Variants in HLA-DRA observed in about 807,000 individuals in gnomAD.
HLA-DRA encodes the protein HLA class II histocompatibility antigen, DR alpha chain.
A neutral mutation model predicts 22.1 loss-of-function variants in HLA-DRA; 8 were observed. That is an observed-to-expected ratio of 0.36 (90% CI 0.21 to 0.65). The LOEUF (loss-of-function observed/expected upper bound fraction) is 0.65, where lower values mean the gene tolerates loss of function less well. Ranked by LOEUF, HLA-DRA falls within the 30% of genes least tolerant of loss-of-function variation. The pLI is 0.63. For synonymous variants in HLA-DRA, 101 were observed against 117.1 expected (o/e 0.86, Z 0.89); for missense variants, 248 against 321.3 (o/e 0.77, Z 1.74).
rs983382248 is a variant in HLA-DRA at position 32,442,679 on chromosome 6, C to T, written c.314C>T (p.Thr105Ile). 1 of 1,613,066 alleles carries T rather than the reference C, an allele frequency of 6.2e-7. No individual in the cohort carries two copies. Among genetic ancestry groups the T allele is most frequent in the Non-Finnish European group, 8.5e-7 (1 of 1,180,020 alleles). ...ATCATGACAAAGCGCTCCAACTATA[C>T]TCCGATCACCAATGGTACCTCCCTC... ...LEIMTKRSNY[T>I]PITNVPPEVT... Residue 105 changes from threonine to isoleucine, a missense_variant, in exon 2 of 5, where the codon ACT becomes ATT. Transcript: ENST00000395388.
chr6:32,443,467 G>C lies in HLA-DRA; in HGVS notation c.610+1G>C, dbSNP rs1762743798. 1 of 1,611,438 alleles carries C rather than the reference G, an allele frequency of 6.2e-7. No individual in the cohort carries two copies. The highest frequency in any genetic ancestry group is 1.7e-5 in the Admixed American group (1 of 59,994). Reference sequence around the variant, plus strand: ...GATGAGCCTCTTCTCAAGCACTGGGGTATGGACCAACACTCAATCTCCTTT... The same window carrying C: ...GATGAGCCTCTTCTCAAGCACTGGGCTATGGACCAACACTCAATCTCCTTT... On this transcript the variant is annotated splice_donor_variant, in intron 3 of 4. Coordinates refer to ENST00000395388, the MANE Select transcript of HLA-DRA (RefSeq NM_019111.5). LOFTEE classifies it high-confidence loss of function.
chr6:32,443,690 C>T, intron 3 of HLA-DRA, 66 bp from the exon 4 acceptor site: 3 of 1,407,136 alleles, frequency 2.1e-6, no homozygotes, highest in Non-Finnish European at 2.9e-6. Flanking sequence ...AAGAACCCTA[C>T]ATTTGATTCT....
intron 3 of HLA-DRA, 79 bp from the exon 4 acceptor site, chr6:32,443,673 CTTTA>C: frequency 7.4e-7 from 1 of 1,349,896 alleles, no homozygotes; most frequent in Non-Finnish European, 1.0e-6. Flanking sequence ...TAACTTTTCT[CTTTA>C]TTAAGAACCC....
In HLA-DRA at chr6:32,443,209, C is replaced by G; in HGVS notation, c.353C>G (p.Thr118Arg). ...GTACCTCCAGAGGTAACTGTGCTCA[C>G]AAACAGCCCTGTGGAACTGAGAGAG... Reference protein sequence around the residue: ...TNVPPEVTVLTNSPVELREPN... With the variant: ...TNVPPEVTVLRNSPVELREPN... The change falls in exon 3 of 5, where the codon ACA (threonine) becomes AGA (arginine). Residue 118 changes from threonine to arginine, a missense_variant. Physicochemically the swap from Thr to Arg is moderately conservative, Grantham distance 71. Coordinates refer to ENST00000395388, the MANE Select transcript of HLA-DRA (RefSeq NM_019111.5). 2 of 1,612,568 alleles carry G rather than the reference C, an allele frequency of 1.2e-6. No individual in the cohort carries two copies. Among genetic ancestry groups the G allele is most frequent in the Non-Finnish European group, 8.5e-7 (1 of 1,179,616 alleles).
Position 32,443,894 on chromosome 6 carries a change from G to T in HLA-DRA, c.749G>T (p.Arg250Leu). The change falls in exon 4 of 5, where the codon CGC (arginine) becomes CTC (leucine). Residue 250 changes from arginine (R) to leucine (L), a missense_variant. Arg to Leu is a moderately radical substitution (Grantham distance 102). Transcript: ENST00000395388. ...KGLRKSNAAE[R>L]RGPL ...TTGCGCAAAAGCAATGCAGCAGAAC[G>T]CAGGGGGCCTCTGTAAGGCACATGG... 6.2e-7 allele frequency: 1 copy of T among 1,602,204 alleles called. No homozygotes were observed. The highest frequency in any genetic ancestry group is 1.7e-4 in the Middle Eastern group (1 of 6,024).
chr6:32,440,843 G>A (rs1477346807), intron 1 of HLA-DRA, among the ~76,000 whole-genome samples: 1 of 152,162 alleles, frequency 6.6e-6, no homozygotes, highest in Non-Finnish European at 1.5e-5. Context: ...AAGGTGTCAG[G>A]TAGACTTGAA....
At chr6:32,440,883 CCCA>C (rs2150371130) in intron 1 of HLA-DRA, among the ~76,000 whole-genome samples, 1 of 152,274 alleles carries the variant, frequency 6.6e-6, no homozygotes, top group South Asian at 2.1e-4. Flanking sequence ...AGCTCCCATA[CCCA>C]TAGTGGCAAT....
chr6:32,442,760 T>G, intron 2 of HLA-DRA, 67 bp downstream of exon 2: 1 of 1,575,206 alleles, frequency 6.3e-7, no homozygotes, highest in Non-Finnish European at 8.7e-7. Flanking sequence ...GCTTCAGCTC[T>G]TTGTGTTAGA....
intron 4 of HLA-DRA, 90 bp downstream of exon 4, chr6:32,444,011 G>T: frequency 1.1e-6 from 1 of 950,234 alleles, no homozygotes; most frequent in South Asian, 2.6e-5. Flanking sequence ...GCATTTAAGA[G>T]ACAAGGTAGG....
intron 1 of HLA-DRA, among the ~76,000 whole-genome samples, chr6:32,442,245 T>C (rs978398115): frequency 7.9e-5 from 12 of 152,180 alleles, no homozygotes; most frequent in Admixed American, 2.0e-4. Flanking sequence ...CCAGTCCTTC[T>C]TGTTTTTCCC....
intron 1 of HLA-DRA, 64 bp from the exon 2 acceptor site, chr6:32,442,384 G>A (rs529895736): frequency 3.2e-5 from 49 of 1,554,648 alleles, no homozygotes; most frequent in East Asian, 3.2e-4. Flanking sequence ...ATGTATGTAG[G>A]TTATTCATTT....
In HLA-DRA at chr6:32,443,423, G is replaced by C; in HGVS notation, c.567G>C (p.Arg189Ser). The stretch of plus-strand genomic sequence containing the variant: ...CAACTGAGGACGTTTACGACTGCAG[G>C]GTGGAGCACTGGGGCTTGGATGAGC... ...LPSTEDVYDCRVEHWGLDEPL... is the reference protein window; with the variant it reads ...LPSTEDVYDCSVEHWGLDEPL... Residue 189 changes from arginine (R) to serine (S), a missense_variant, in exon 3 of 5, where the codon AGG becomes AGC. By Grantham distance (110) the Arg-to-Ser change is moderately radical. Transcript: ENST00000395388. 1 of 1,613,006 alleles carries C rather than the reference G, an allele frequency of 6.2e-7. No individual in the cohort carries two copies. Among genetic ancestry groups the C allele is most frequent in the Non-Finnish European group, 8.5e-7 (1 of 1,179,978 alleles).
At chr6:32,442,348 A>T in intron 1 of HLA-DRA, 100 bp from the exon 2 acceptor site, 2 of 1,408,016 alleles carry the variant, frequency 1.4e-6, no homozygotes, top group Non-Finnish European at 2.0e-6. Flanking sequence ...TCTTGGCCCA[A>T]TCTCTCTCCA....
intron 1 of HLA-DRA, among the ~76,000 whole-genome samples, 189 bp from the exon 2 acceptor site, chr6:32,442,259 C>T (rs1224442645): frequency 6.6e-6 from 1 of 152,144 alleles, no homozygotes; most frequent in Non-Finnish European, 1.5e-5. Flanking sequence ...TTTTCCCCTC[C>T]CAGCTTTGTT....
chr6:32,443,952 T>G, intron 4 of HLA-DRA, 31 bp downstream of exon 4: 1 of 1,442,684 alleles, frequency 6.9e-7, no homozygotes, highest in Non-Finnish European at 9.2e-7. Flanking sequence ...GGAAGACGTA[T>G]ATGGAGATAT....
rs1213524651 is a variant in HLA-DRA at position 32,442,645 on chromosome 6, A to G, written c.280A>G (p.Asn94Asp). 2 of 1,612,978 alleles carry G rather than the reference A, an allele frequency of 1.2e-6. No individual in the cohort carries two copies. The highest frequency in any genetic ancestry group is 1.1e-5 in the South Asian group (1 of 91,092). The change falls in exon 2 of 5, where the codon AAC (asparagine) becomes GAC (aspartate). Residue 94 changes from asparagine (N) to aspartate (D), a missense_variant. Coordinates refer to ENST00000395388, the MANE Select transcript of HLA-DRA (RefSeq NM_019111.5). Reference protein sequence around the residue: ...ALANIAVDKANLEIMTKRSNY... With the variant: ...ALANIAVDKADLEIMTKRSNY... ...GGCCAACATAGCTGTGGACAAAGCC[A>G]ACCTGGAAATCATGACAAAGCGCTC...
intron 4 of HLA-DRA, 94 bp downstream of exon 4, chr6:32,444,015 A>C: frequency 1.1e-6 from 1 of 892,904 alleles, no homozygotes; most frequent in Non-Finnish European, 1.6e-6. Context: ...TTAAGAGACA[A>C]GGTAGGAACA....
intron 2 of HLA-DRA, 129 bp downstream of exon 2, chr6:32,442,822 C>T: frequency 6.2e-6 from 7 of 1,122,672 alleles, no homozygotes; most frequent in Non-Finnish European, 9.0e-6. Flanking sequence ...TTAACAAGCC[C>T]CAAATTCTCA....
chr6:32,442,814 A>G (rs1382431033), intron 2 of HLA-DRA, 121 bp downstream of exon 2: 5 of 1,188,558 alleles, frequency 4.2e-6, no homozygotes, highest in Non-Finnish European at 6.0e-6. Context: ...CCTTGCCATT[A>G]ACAAGCCCCA....
Sources: allele counts gnomAD v4.1 joint callset (sites outside exome capture counted in the v4.1 genomes callset), GRCh38; gene constraint gnomAD v4.1.1; transcripts MANE v1.5; gene names NCBI Gene and HGNC (gene_info 2026-07-23, HGNC 2026-07-21).